STPG2: variants seen among roughly 807,000 people sequenced by gnomAD.
STPG2 encodes the protein sperm-tail PG-rich repeat-containing protein 2.
STPG2 carries 56 observed loss-of-function variants against 54.2 expected under a neutral mutation model. That is an observed-to-expected ratio of 1.03 (90% CI 0.83 to 1.29). The LOEUF is 1.29. Ranked by LOEUF, STPG2 falls within the 50% of genes most tolerant of loss-of-function variation. The probability of loss-of-function intolerance (pLI) is 0.00; values close to 1 mark genes in which losing one functional copy is unlikely to be tolerated. For missense variants in STPG2, 596 were observed against 544.9 expected, an observed-to-expected ratio of 1.09 and a Z score of -0.93; for synonymous variants, 200 against 181.8, an observed-to-expected ratio of 1.10 and a Z score of -0.81.
intron 8 of STPG2, among the ~76,000 whole-genome samples, chr4:97,906,555 C>T (rs901110541): frequency 2.7e-4 from 41 of 152,218 alleles, no homozygotes; most frequent in Admixed American, 7.8e-4. Flanking sequence ...CTGGCAGAGA[C>T]ACAACCAAAA....
In STPG2 at chr4:97,694,993, C is replaced by G. The variant is rs190260861; in HGVS notation, c.1320+17706G>C. ...ATCCTTCCTAAATCATTCCATGAAG[C>G]CAATGTCACCCTAATAGCAAAACCA... On this transcript the variant is annotated intron_variant, in intron 10 of 10. Transcript: ENST00000295268. 4.1e-3 allele frequency among the ~76,000 whole-genome samples: 623 copies of G among 151,210 alleles called. 3 individuals are homozygous for G. The highest frequency in any genetic ancestry group is 0.02 in the South Asian group (97 of 4,790).
chr4:97,853,940 C>A (rs553685180), intron 8 of STPG2, among the ~76,000 whole-genome samples: 94 of 152,106 alleles, frequency 6.2e-4, no homozygotes, highest in Non-Finnish European at 1.1e-3. Context: ...GGCCACCATG[C>A]CTAACTAATT....
chr4:97,963,438 G>A (rs944864485), intron 7 of STPG2, among the ~76,000 whole-genome samples: 14 of 152,072 alleles, frequency 9.2e-5, no homozygotes, highest in Admixed American at 5.2e-4. Context: ...AGGGGGACTC[G>A]TGCCAGGAGT....
At chr4:98,129,157 A>G (rs1387894262) in intron 2 of STPG2, among the ~76,000 whole-genome samples, 1 of 152,260 alleles carries the variant, frequency 6.6e-6, no homozygotes, top group African/African-American at 2.4e-5. Flanking sequence ...TAAAGTCATC[A>G]TAAGAAGCAA....
chr4:97,655,829 A>C (rs1722204903), intron 10 of STPG2, among the ~76,000 whole-genome samples: 1 of 152,162 alleles, frequency 6.6e-6, no homozygotes, highest in South Asian at 2.1e-4. Flanking sequence ...TTTTAACAAA[A>C]TACGTAAATA....
At chr4:97,679,952 T>C (rs1395300968) in intron 10 of STPG2, among the ~76,000 whole-genome samples, 1 of 151,924 alleles carries the variant, frequency 6.6e-6, no homozygotes, top group Non-Finnish European at 1.5e-5. Context: ...TGTGGCGTTA[T>C]TTCTGAGGGC....
chr4:97,605,091 A>G (rs1299960924), intron 10 of STPG2, among the ~76,000 whole-genome samples: 1 of 151,730 alleles, frequency 6.6e-6, no homozygotes, highest in Non-Finnish European at 1.5e-5. Flanking sequence ...TAATTCTATC[A>G]TGTATGCATT....
chr4:97,756,358 G>A (rs1047805381), intron 9 of STPG2, among the ~76,000 whole-genome samples: 1 of 152,084 alleles, frequency 6.6e-6, no homozygotes, highest in African/African-American at 2.4e-5. Context: ...TCTTGCTCTT[G>A]TTGCCCAAGC....
chr4:97,686,471 C>G (rs879912130), intron 10 of STPG2, among the ~76,000 whole-genome samples: 5 of 152,072 alleles, frequency 3.3e-5, no homozygotes, highest in Non-Finnish European at 7.4e-5. Flanking sequence ...GTTTTTGCTT[C>G]TTGTTTTAAT....
intron 8 of STPG2, among the ~76,000 whole-genome samples, chr4:97,883,881 T>G (rs2149167454): frequency 6.6e-6 from 1 of 152,060 alleles, no homozygotes; most frequent in South Asian, 2.1e-4. Flanking sequence ...TTTCAAAAAG[T>G]AATGATCAAA....
At chr4:98,101,635 G>C (rs527377517) in intron 5 of STPG2, among the ~76,000 whole-genome samples, 2 of 151,836 alleles carry the variant, frequency 1.3e-5, no homozygotes, top group Non-Finnish European at 2.9e-5. Context: ...CAATTCCTGC[G>C]AGAGCTTTGT....
At chr4:97,863,616 G>A (rs898027408) in intron 8 of STPG2, among the ~76,000 whole-genome samples, 6 of 152,094 alleles carry the variant, frequency 3.9e-5, no homozygotes, top group Non-Finnish European at 7.3e-5. Context: ...GCATCATCCC[G>A]ACACCAAAGC....
intron 6 of STPG2, among the ~76,000 whole-genome samples, 159 bp downstream of exon 6, chr4:97,981,000 G>A (rs1328288539): frequency 6.6e-6 from 1 of 152,186 alleles, no homozygotes; most frequent in Non-Finnish European, 1.5e-5. Context: ...TGATTTATCT[G>A]TGTTTAATGT....
At chr4:98,011,909 G>A (rs145235991) in intron 5 of STPG2, among the ~76,000 whole-genome samples, 180 of 152,214 alleles carry the variant, frequency 1.2e-3, no homozygotes, top group African/African-American at 4.0e-3. Context: ...TCTGTAGGTC[G>A]CCTGTTCACT....
At chr4:97,504,221 AAT>A (rs1730799515) in intron 4 of STPG2, among the ~76,000 whole-genome samples, 1 of 147,806 alleles carries the variant, frequency 6.8e-6, no homozygotes, top group Non-Finnish European at 1.5e-5. Flanking sequence ...TATTTTCAAT[AAT>A]TATTACCTGT....
At chr4:98,126,244 A>G (rs1160007754) in intron 3 of STPG2, among the ~76,000 whole-genome samples, 1 of 152,134 alleles carries the variant, frequency 6.6e-6, no homozygotes. Context: ...CCTCACCAGA[A>G]TTCCCTGGGC....
chr4:97,966,436 C>T (rs749556143), intron 7 of STPG2, among the ~76,000 whole-genome samples: 4 of 152,150 alleles, frequency 2.6e-5, no homozygotes, highest in Non-Finnish European at 4.4e-5. Context: ...TGGAACCAAG[C>T]TGGAAAACAC....
intron 4 of STPG2, among the ~76,000 whole-genome samples, chr4:97,506,019 CAAAAAAAA>C (rs59206485): frequency 4.7e-4 from 8 of 16,922 alleles, no homozygotes; most frequent in Non-Finnish European, 1.0e-3. Context: ...AATAGGAGAC[CAAAAAAAA>C]AAAAAAAAAA....
intron 9 of STPG2, among the ~76,000 whole-genome samples, chr4:97,765,317 T>A (rs188235535): frequency 2.4e-4 from 37 of 152,210 alleles, no homozygotes; most frequent in African/African-American, 8.2e-4. Flanking sequence ...TAGGGCATGT[T>A]TTGAGGCTGT....
Sources: gnomAD v4.1 joint callset for allele counts (sites outside exome capture counted in the v4.1 genomes callset) on GRCh38, gnomAD v4.1.1 for gene constraint, MANE v1.5 for transcripts, NCBI Gene and HGNC (gene_info 2026-07-23, HGNC 2026-07-21) for gene names.